Variants in EYA2 observed in about 807,000 individuals in gnomAD.
EYA2 encodes protein phosphatase EYA2.
Under a neutral mutation model 69.2 loss-of-function variants are expected in EYA2, and 31 were observed. The ratio of observed to expected loss-of-function variants is 0.45; its 90% confidence interval spans 0.34 to 0.60. The LOEUF (loss-of-function observed/expected upper bound fraction) is 0.60, where lower values mean the gene tolerates loss of function less well. Among genes scored for constraint, EYA2 ranks in the 20% least tolerant of loss-of-function variants. The pLI is 0.02. For synonymous variants in EYA2, 257 were observed against 279.4 expected (o/e 0.92, Z 0.80); for missense variants, 622 against 701.2 (o/e 0.89, Z 1.28).
chr20:47,085,491 C>CAAAA (rs1455047391), intron 7 of EYA2, among the ~76,000 whole-genome samples: 1 of 151,722 alleles, frequency 6.6e-6, no homozygotes, highest in Admixed American at 6.6e-5. Context: ...ACTAAAAATA[C>CAAAA]AAAAATTAGC....
intron 9 of EYA2, among the ~76,000 whole-genome samples, chr20:47,099,057 G>A (rs995083848): frequency 6.6e-6 from 1 of 152,208 alleles, no homozygotes; most frequent in African/African-American, 2.4e-5. Context: ...CAGGCAAGGA[G>A]GGAAAGGAAG....
chr20:46,921,840 A>G (rs948338161), intron 1 of EYA2, among the ~76,000 whole-genome samples: 11 of 152,216 alleles, frequency 7.2e-5, no homozygotes, highest in Non-Finnish European at 1.2e-4. Flanking sequence ...TAGCCAATAC[A>G]TTATTTCTTT....
chr20:47,079,120 A>G (rs77793946), intron 7 of EYA2, among the ~76,000 whole-genome samples: 11,086 of 152,194 alleles, frequency 0.073, 585 homozygotes, highest in Non-Finnish European at 0.12. Context: ...ATCCTTTTCA[A>G]TTTCTGTTTA....
chr20:47,026,125 G>C (rs1984065858), intron 5 of EYA2, among the ~76,000 whole-genome samples: 2 of 152,202 alleles, frequency 1.3e-5, no homozygotes, highest in African/African-American at 4.8e-5. Flanking sequence ...AGAACAAATG[G>C]TCTCAGAGAG....
At chr20:47,159,003 G>A (rs2034011264) in intron 10 of EYA2, among the ~76,000 whole-genome samples, 1 of 151,978 alleles carries the variant, frequency 6.6e-6, no homozygotes, top group Non-Finnish European at 1.5e-5. Context: ...GTATGTATGA[G>A]TCTATGCTGA....
chr20:47,071,211 T>C (rs904271709), intron 5 of EYA2, among the ~76,000 whole-genome samples: 1 of 152,130 alleles, frequency 6.6e-6, no homozygotes, highest in Non-Finnish European at 1.5e-5. Flanking sequence ...AATTTCACCA[T>C]GTTGGCCAGG....
chr20:47,029,028 C>T (rs550189144), intron 5 of EYA2, among the ~76,000 whole-genome samples: 4 of 152,092 alleles, frequency 2.6e-5, no homozygotes, highest in African/African-American at 9.7e-5. Flanking sequence ...TAAAATAAAA[C>T]TTACTGTGCA....
intron 5 of EYA2, among the ~76,000 whole-genome samples, chr20:47,019,112 C>G (rs565741717): frequency 5.2e-4 from 79 of 152,320 alleles, no homozygotes; most frequent in Admixed American, 3.7e-3. Context: ...GCACATAACC[C>G]TCACGCCATC....
At chr20:46,957,581 A>G (rs1979214590) in intron 1 of EYA2, among the ~76,000 whole-genome samples, 1 of 147,412 alleles carries the variant, frequency 6.8e-6, no homozygotes, top group Non-Finnish European at 1.5e-5. Context: ...ACACACACGA[A>G]GACAATGTGA....
rs139449648 is a variant in EYA2, at chr20:47,074,127, A to C, written c.484-31A>C. ...CCCGAGCCCAGAAAGGCTTCCTCAC[A>C]TATGTCCTTGGTTTGTTTTTCTCTT... is the stretch of plus-strand genomic sequence containing the variant. On this transcript the variant is annotated intron_variant, in intron 6 of 15. Transcript: ENST00000327619. 1,566 of 1,565,624 alleles carry C rather than the reference A, an allele frequency of 1.0e-3. 18 individuals are homozygous for C. The African/African-American group carries it at 0.019, about 19-fold the overall frequency.
intron 2 of EYA2, chr20:46,998,236 A>T (rs1982147474): frequency 6.6e-6 from 1 of 152,510 alleles, no homozygotes; most frequent in African/African-American, 2.4e-5. Flanking sequence ...AAAGCTGTTG[A>T]GCACAGTGAC....
intron 9 of EYA2, among the ~76,000 whole-genome samples, chr20:47,097,862 G>A (rs1434994968): frequency 6.6e-6 from 1 of 152,160 alleles, no homozygotes; most frequent in Non-Finnish European, 1.5e-5. Context: ...ATCTCTTCAG[G>A]GGCACGCATG....
intron 1 of EYA2, among the ~76,000 whole-genome samples, chr20:46,939,664 G>A (rs1340633320): frequency 6.6e-6 from 1 of 152,182 alleles, no homozygotes; most frequent in Non-Finnish European, 1.5e-5. Flanking sequence ...ATTTGCAGTA[G>A]AAGTGTGCTA....
At chr20:47,081,365 T>G (rs1047974049) in intron 7 of EYA2, among the ~76,000 whole-genome samples, 84 of 152,334 alleles carry the variant, frequency 5.5e-4, no homozygotes, top group African/African-American at 1.9e-3. Context: ...GTTAATTAGC[T>G]TGATTTAGCC....
At chr20:46,905,972 A>C (rs577776112) in intron 1 of EYA2, among the ~76,000 whole-genome samples, 1 of 152,320 alleles carries the variant, frequency 6.6e-6, no homozygotes, top group South Asian at 2.1e-4. Flanking sequence ...GACTTTAGAC[A>C]TTCTGGAAGA....
intron 5 of EYA2, among the ~76,000 whole-genome samples, chr20:47,021,541 C>A: frequency 6.6e-6 from 1 of 150,408 alleles, no homozygotes; most frequent in East Asian, 2.0e-4. Context: ...GCAGGAGAAT[C>A]GCTTGAACCC....
At chr20:47,117,688 T>A (rs1322280400) in intron 9 of EYA2, 1 of 985,206 alleles carries the variant, frequency 1.0e-6, no homozygotes, top group Non-Finnish European at 1.2e-6. Flanking sequence ...GACGCAGCAG[T>A]TAAAAACTAT....
intron 15 of EYA2, among the ~76,000 whole-genome samples, chr20:47,186,027 C>CT (rs1371311969): frequency 3.9e-5 from 6 of 152,154 alleles, no homozygotes; most frequent in Non-Finnish European, 8.8e-5. Flanking sequence ...CACATCTTTG[C>CT]CAGGGCCTGC....
chr20:47,053,315 G>A (rs771273339), intron 5 of EYA2, among the ~76,000 whole-genome samples: 13 of 152,260 alleles, frequency 8.5e-5, no homozygotes, highest in African/African-American at 2.4e-4. Context: ...CGAATGCCAC[G>A]GACATGCTGT....
Sources: allele counts gnomAD v4.1 joint callset (sites outside exome capture counted in the v4.1 genomes callset), GRCh38; gene constraint gnomAD v4.1.1; transcripts MANE v1.5; gene names NCBI Gene and HGNC (gene_info 2026-07-23, HGNC 2026-07-21).